The following ADGRL2 variants were observed in gnomAD, a reference collection of about 807,000 sequenced individuals.
The protein encoded by ADGRL2 is adhesion G protein-coupled receptor L2.
A neutral mutation model predicts 157.4 loss-of-function variants in ADGRL2; 44 were observed. The ratio of observed to expected loss-of-function variants is 0.28; its 90% CI spans 0.22 to 0.36. The LOEUF (loss-of-function observed/expected upper bound fraction) is 0.36. ADGRL2 is among the 10% of genes least tolerant of loss of function. ADGRL2 has a pLI of 1.00. For synonymous variants in ADGRL2, 585 were observed against 624.7 expected (o/e 0.94, Z 0.95); for missense variants, 1,510 against 1,768.9 (o/e 0.85, Z 2.63).
intron 2 of ADGRL2, among the ~76,000 whole-genome samples, chr1:81,575,348 C>T (rs1006596373): frequency 5.9e-5 from 9 of 152,034 alleles, no homozygotes; most frequent in Admixed American, 6.6e-5. Flanking sequence ...TTTAAATTCA[C>T]GGAAAGGTTA....
At chr1:81,435,267 A>T (rs955113697) in intron 1 of ADGRL2, among the ~76,000 whole-genome samples, 5 of 152,242 alleles carry the variant, frequency 3.3e-5, no homozygotes, top group Admixed American at 2.0e-4. Flanking sequence ...CTGAATATTC[A>T]CTAAGTTTTA....
intron 4 of ADGRL2, among the ~76,000 whole-genome samples, chr1:81,937,851 A>T (rs1052856527): frequency 4.6e-5 from 7 of 151,964 alleles, no homozygotes; most frequent in Middle Eastern, 3.4e-3. Flanking sequence ...TTATATGTTC[A>T]AACTATCAAT....
intron 1 of ADGRL2, among the ~76,000 whole-genome samples, chr1:81,720,576 T>A (rs2084275784): frequency 6.6e-6 from 1 of 151,966 alleles, no homozygotes; most frequent in Non-Finnish European, 1.5e-5. Context: ...TCACAGGAGG[T>A]ACAAAACTGA....
intron 1 of ADGRL2, among the ~76,000 whole-genome samples, chr1:81,314,245 A>C (rs191854733): frequency 1.3e-5 from 2 of 152,320 alleles, no homozygotes; most frequent in Admixed American, 1.3e-4. Context: ...ATGTGTATCT[A>C]TGTCATAAAG....
intron 2 of ADGRL2, among the ~76,000 whole-genome samples, chr1:81,774,010 A>G (rs1397416085): frequency 1.3e-5 from 2 of 152,224 alleles, no homozygotes; most frequent in African/African-American, 4.8e-5. Flanking sequence ...GCCATCTACA[A>G]GCCAAGGAGA....
chr1:81,886,508 A>G (rs1309927036), intron 2 of ADGRL2, among the ~76,000 whole-genome samples: 2 of 152,194 alleles, frequency 1.3e-5, no homozygotes, highest in Non-Finnish European at 2.9e-5. Flanking sequence ...AGTCTATAAA[A>G]TGTGATTGTA....
At chr1:81,777,508 C>T (rs574856210) in intron 2 of ADGRL2, among the ~76,000 whole-genome samples, 5 of 152,328 alleles carry the variant, frequency 3.3e-5, no homozygotes, top group African/African-American at 1.2e-4. Flanking sequence ...TGGTGGCTCA[C>T]ACCTGTAATC....
At chr1:81,751,753 GA>G (rs1168547159) in intron 1 of ADGRL2, among the ~76,000 whole-genome samples, 1 of 151,924 alleles carries the variant, frequency 6.6e-6, no homozygotes, top group African/African-American at 2.4e-5. Flanking sequence ...CTTGTTTGTT[GA>G]AAAAAATATG....
chr1:81,631,675 A>G lies in ADGRL2; in HGVS notation c.-143+50695A>G, dbSNP rs192163363. On this transcript the variant is annotated intron_variant, in intron 3 of 24. Coordinates refer to the ADGRL2 transcript ENST00000370721. ...AAAACTCCGCAGTTGGTTCTAATGT[A>G]TAACAAAGTTTAAGAAACATTGGTT... 1.8e-3 allele frequency among the ~76,000 whole-genome samples: 279 copies of G among 152,354 alleles called. 3 individuals carry two copies. Among genetic ancestry groups the G allele is most frequent in the Non-Finnish European group, 3.5e-3 (236 of 68,030 alleles).
chr1:81,468,142 G>A (rs1372425734), intron 2 of ADGRL2, among the ~76,000 whole-genome samples: 1 of 152,108 alleles, frequency 6.6e-6, no homozygotes, highest in Non-Finnish European at 1.5e-5. Context: ...AAGAAAATAT[G>A]ATGAAGTTCT....
At chr1:81,825,648 C>A (rs1207813636) in intron 1 of ADGRL2, among the ~76,000 whole-genome samples, 2 of 126,894 alleles carry the variant, frequency 1.6e-5, no homozygotes, top group Non-Finnish European at 3.3e-5. Flanking sequence ...CCTGGCCAGA[C>A]CCTGTCTCCA....
At chr1:81,531,481 G>A (rs12566049) in intron 2 of ADGRL2, among the ~76,000 whole-genome samples, 66,465 of 152,046 alleles carry the variant, frequency 0.44, 15,385 homozygotes, top group East Asian at 0.58. Context: ...ATAGTAGACA[G>A]GCAATTAATA....
At chr1:81,803,559 C>G (rs971206038) in intron 1 of ADGRL2, among the ~76,000 whole-genome samples, 56 of 152,150 alleles carry the variant, frequency 3.7e-4, no homozygotes, top group Non-Finnish European at 6.3e-4. Flanking sequence ...TCTCCCTCTC[C>G]CCGCCCTCCA....
At chr1:81,635,192 A>G (rs1570696414) in intron 3 of ADGRL2, among the ~76,000 whole-genome samples, 2 of 152,166 alleles carry the variant, frequency 1.3e-5, no homozygotes, top group South Asian at 4.2e-4. Context: ...CTTACTTATA[A>G]CATACCCTTT....
chr1:81,666,748 T>A (rs942257822), intron 3 of ADGRL2, among the ~76,000 whole-genome samples: 3 of 152,196 alleles, frequency 2.0e-5, no homozygotes, highest in Non-Finnish European at 4.4e-5. Flanking sequence ...CCATGGTTAA[T>A]CTCAGAAGTC....
intron 2 of ADGRL2, among the ~76,000 whole-genome samples, chr1:81,764,176 A>G (rs546267558): frequency 3.9e-4 from 53 of 135,226 alleles, no homozygotes; most frequent in Middle Eastern, 3.8e-3. Context: ...TGGGTGACAG[A>G]GCGAGACTCT....
At chr1:81,469,564 T>C (rs1242115206) in intron 2 of ADGRL2, among the ~76,000 whole-genome samples, 2 of 152,240 alleles carry the variant, frequency 1.3e-5, no homozygotes, top group Non-Finnish European at 2.9e-5. Context: ...TTTGGTATCT[T>C]ATCCCCCAGT....
intron 3 of ADGRL2, among the ~76,000 whole-genome samples, chr1:81,689,493 C>CA (rs1025530903): frequency 1.7e-4 from 26 of 152,046 alleles, no homozygotes; most frequent in Middle Eastern, 3.2e-3. Context: ...TTTGTAAAAA[C>CA]AAAAAAACAT....
chr1:81,836,674 T>C (rs2092298900), intron 1 of ADGRL2, among the ~76,000 whole-genome samples: 1 of 152,100 alleles, frequency 6.6e-6, no homozygotes, highest in South Asian at 2.1e-4. Flanking sequence ...TTTGGCAATT[T>C]GACTGTCAAA....
Sources: allele counts gnomAD v4.1 joint callset (sites outside exome capture counted in the v4.1 genomes callset), GRCh38; gene constraint gnomAD v4.1.1; transcripts MANE v1.5; gene names NCBI Gene and HGNC (gene_info 2026-07-23, HGNC 2026-07-21).